Variants in PTPN14 observed in about 807,000 individuals in gnomAD.
PTPN14 encodes the protein tyrosine-protein phosphatase non-receptor type 14.
Under a neutral mutation model 126.8 loss-of-function variants are expected in PTPN14, and 53 were observed. The observed-to-expected ratio is 0.42, with a 90% CI of 0.34 to 0.53. The LOEUF is 0.53. PTPN14 is among the 20% of genes least tolerant of loss of function. The probability of loss-of-function intolerance (pLI) is 0.08; values close to 1 mark genes in which losing one functional copy is unlikely to be tolerated. For synonymous variants in PTPN14, 630 were observed against 599.3 expected, an observed-to-expected ratio of 1.05 and a Z score of -0.75; for missense variants, 1,257 against 1,552.9, an observed-to-expected ratio of 0.81 and a Z score of 3.20.
At chr1:214,413,889 G>A (rs1307275648) in intron 4 of PTPN14, among the ~76,000 whole-genome samples, 1 of 151,760 alleles carries the variant, frequency 6.6e-6, no homozygotes, top group African/African-American at 2.4e-5. Context: ...GGCTGGTCTC[G>A]AACTCCTGAC....
At chr1:214,361,382 G>C (rs1657952651) in intron 18 of PTPN14, among the ~76,000 whole-genome samples, 1 of 152,144 alleles carries the variant, frequency 6.6e-6, no homozygotes, top group Non-Finnish European at 1.5e-5. Flanking sequence ...ATTACCTGTA[G>C]GACTGAGCCT....
At chr1:214,509,058 T>C (rs1558134935) in intron 1 of PTPN14, among the ~76,000 whole-genome samples, 1 of 152,188 alleles carries the variant, frequency 6.6e-6, no homozygotes, top group Non-Finnish European at 1.5e-5. Context: ...TTAAAGACTC[T>C]AGGATTTGGG....
At chr1:214,541,459 C>T (rs1359755835) in intron 1 of PTPN14, among the ~76,000 whole-genome samples, 1 of 152,164 alleles carries the variant, frequency 6.6e-6, no homozygotes, top group Non-Finnish European at 1.5e-5. Flanking sequence ...TTCCCTCCCA[C>T]ATCCCTGAGT....
At chr1:214,421,952 T>C (rs1452994388) in intron 3 of PTPN14, among the ~76,000 whole-genome samples, 4 of 152,098 alleles carry the variant, frequency 2.6e-5, no homozygotes, top group African/African-American at 9.7e-5. Context: ...CCCCCAGGCC[T>C]CTCCTGCACT....
intron 15 of PTPN14, among the ~76,000 whole-genome samples, 172 bp downstream of exon 15, chr1:214,376,047 T>C (rs559200726): frequency 1.8e-4 from 28 of 152,254 alleles, no homozygotes; most frequent in Non-Finnish European, 2.8e-4. Context: ...TCTGCAGTGA[T>C]AGACATGCCC....
intron 2 of PTPN14, among the ~76,000 whole-genome samples, chr1:214,463,342 A>G (rs7525020): frequency 0.71 from 107,725 of 151,612 alleles, 39,720 homozygotes; most frequent in Non-Finnish European, 0.8. Context: ...CCAGCTACCC[A>G]TCAACAAGAT....
intron 3 of PTPN14, among the ~76,000 whole-genome samples, chr1:214,426,124 C>T (rs925737445): frequency 7.1e-6 from 1 of 140,468 alleles, no homozygotes; most frequent in Admixed American, 7.2e-5. Flanking sequence ...CCATTGACAA[C>T]ATAATGAATT....
At chr1:214,475,727 C>T (rs574292598) in intron 1 of PTPN14, among the ~76,000 whole-genome samples, 6 of 152,160 alleles carry the variant, frequency 3.9e-5, no homozygotes, top group South Asian at 2.1e-4. Context: ...CTGCTGAGCA[C>T]AATCTCAACA....
chr1:214,366,631 A>T (rs1461639855), intron 17 of PTPN14, among the ~76,000 whole-genome samples: 3 of 152,208 alleles, frequency 2.0e-5, no homozygotes, highest in African/African-American at 7.2e-5. Flanking sequence ...GGAGAAACAG[A>T]TTCAACATTT....
At chr1:214,502,394 T>C (rs1021193697) in intron 1 of PTPN14, among the ~76,000 whole-genome samples, 1 of 152,250 alleles carries the variant, frequency 6.6e-6, no homozygotes, top group Non-Finnish European at 1.5e-5. Flanking sequence ...CCTGTTTTCC[T>C]ATATGCAAAA....
chr1:214,460,555 A>ACAC (rs1558112469), intron 2 of PTPN14, among the ~76,000 whole-genome samples: 11 of 150,258 alleles, frequency 7.3e-5, no homozygotes, highest in Middle Eastern at 3.4e-3. Flanking sequence ...ACACACACAC[A>ACAC]GATCAGTGCA....
intron 1 of PTPN14, among the ~76,000 whole-genome samples, chr1:214,468,829 C>A (rs533407517): frequency 6.6e-6 from 1 of 152,206 alleles, no homozygotes; most frequent in South Asian, 2.1e-4. Flanking sequence ...TTTCTATGGA[C>A]TTCTCTGATC....
At chr1:214,414,447 A>C (rs544440526) in intron 4 of PTPN14, among the ~76,000 whole-genome samples, 182 bp downstream of exon 4, 7 of 152,224 alleles carry the variant, frequency 4.6e-5, no homozygotes, top group Non-Finnish European at 8.8e-5. Flanking sequence ...GCTTTGAGAA[A>C]TCTACCACCC....
chr1:214,529,385 G>C (rs890684089), intron 1 of PTPN14: 1 of 152,216 alleles, frequency 6.6e-6, no homozygotes, highest in Non-Finnish European at 1.5e-5. Context: ...CCAAAAGTAT[G>C]TGTTTCAGAG....
intron 3 of PTPN14, among the ~76,000 whole-genome samples, chr1:214,424,535 T>TC (rs1257295768): frequency 1.3e-5 from 2 of 150,370 alleles, no homozygotes; most frequent in Non-Finnish European, 3.0e-5. Flanking sequence ...TTTCTTTCTT[T>TC]TTTTTTTTTT....
At chr1:214,542,751 G>A (rs775723277) in intron 1 of PTPN14, among the ~76,000 whole-genome samples, 4 of 152,204 alleles carry the variant, frequency 2.6e-5, no homozygotes, top group Non-Finnish European at 5.9e-5. Flanking sequence ...GACTGGGCCT[G>A]TTCAGGAAAC....
In PTPN14 at chr1:214,355,814, C is replaced by T. The variant is rs1363237045; in HGVS notation, c.*2108G>A. The T allele has an allele frequency of 6.6e-6, 1 of 152,062 alleles. No homozygotes were observed. Among genetic ancestry groups the T allele is most frequent in the Non-Finnish European group, 1.5e-5 (1 of 68,018 alleles). The allele number at this position is 152,062 out of a possible 1,614,324, so 9.4% of individuals were successfully genotyped here. On this transcript the variant is annotated 3_prime_UTR_variant, in exon 19 of 19. Coordinates refer to ENST00000366956, the MANE Select transcript of PTPN14 (RefSeq NM_005401.5). Reference sequence around the variant, plus strand: ...ATACTTTTTCTGGTTGATTTGATGTCACTCCATCTTTTTAGCTCACGGGGG... The same window carrying T: ...ATACTTTTTCTGGTTGATTTGATGTTACTCCATCTTTTTAGCTCACGGGGG...
intron 13 of PTPN14, among the ~76,000 whole-genome samples, chr1:214,382,902 C>T (rs1383810037): frequency 1.3e-5 from 2 of 152,162 alleles, no homozygotes; most frequent in East Asian, 3.8e-4. Flanking sequence ...TCTTGACTTA[C>T]GGATCTATAC....
intron 11 of PTPN14, among the ~76,000 whole-genome samples, chr1:214,387,966 C>T (rs1206440884): frequency 6.6e-6 from 1 of 152,144 alleles, no homozygotes; most frequent in Admixed American, 6.5e-5. Context: ...TTCCCCATTG[C>T]AGAACCAAGT....
Sources: allele counts gnomAD v4.1 joint callset (sites outside exome capture counted in the v4.1 genomes callset), GRCh38; gene constraint gnomAD v4.1.1; transcripts MANE v1.5; gene names NCBI Gene and HGNC (gene_info 2026-07-23, HGNC 2026-07-21).